The following TYMP variants were observed in gnomAD, a reference collection of about 807,000 sequenced individuals.
The protein encoded by TYMP is gliostatin.
A neutral mutation model predicts 42.3 loss-of-function variants in TYMP; 46 were observed. The ratio of observed to expected loss-of-function variants is 1.09; its 90% CI spans 0.86 to 1.39. The LOEUF is 1.39. TYMP is among the 40% of genes most tolerant of loss of function. The probability of loss-of-function intolerance (pLI) is 0.00; values close to 1 mark genes in which losing one functional copy is unlikely to be tolerated. For synonymous variants in TYMP, 363 were observed against 308.0 expected (o/e 1.18, Z -1.87); for missense variants, 837 against 677.6 (o/e 1.24, Z -2.61).
Position 50,526,037 on chromosome 22 carries a change from C to G in TYMP, c.1264G>C (p.Glu422Gln). 1 of 1,478,552 alleles carries G rather than the reference C, an allele frequency of 6.8e-7. No homozygotes were observed. The allele number at this position is 1,478,552 out of a possible 1,614,324, so 91.6% of individuals were successfully genotyped here. The change falls in exon 9 of 10, where the codon GAG becomes CAG. Residue 422 changes from glutamate (E) to glutamine (Q), a missense_variant. Glu to Gln is a conservative substitution (Grantham distance 29). Coordinates refer to ENST00000252029, the MANE Select transcript of TYMP (RefSeq NM_001953.5). ...CTCTGACCCACGTCGACCAGCAGCT[C>G]TGCGCCCACCCCCAGGCGGAGCGGC... ...GEPLRLGVGA[E>Q]LLVDVGQRLR...
intron 4 of TYMP, chr22:50,528,271 C>CT (rs1260402416): frequency 1.2e-5 from 7 of 579,024 alleles, no homozygotes; most frequent in Non-Finnish European, 2.2e-5. Flanking sequence ...TCCCCAAGTG[C>CT]TAGGACTACA....
chr22:50,528,718 G>A, intron 3 of TYMP, 108 bp from the exon 4 acceptor site: 1 of 883,260 alleles, frequency 1.1e-6, no homozygotes, highest in Non-Finnish European at 1.8e-6. Flanking sequence ...AAGTATTTAA[G>A]CAGCTATAGG....
intron 2 of TYMP, 78 bp downstream of exon 2, chr22:50,529,418 G>C (rs544114409): frequency 6.2e-7 from 1 of 1,603,400 alleles, no homozygotes; most frequent in African/African-American, 1.3e-5. Flanking sequence ...GTGGGGCACC[G>C]TCGCACCCCC....
intron 3 of TYMP, 123 bp downstream of exon 3, chr22:50,528,988 AGAACTGTGCTGGGGAGCAGGGTGGG>A: frequency 1.1e-5 from 9 of 794,552 alleles, no homozygotes; most frequent in Non-Finnish European, 1.8e-5. Context: ...CGGGGTGGGG[AGAACTGTGCTGGGGAGCAGGGTGGG>A]GAGAAGCCTT....
At position 50,526,174 on chromosome 22, in the gene TYMP, G is replaced by A. The variant is rs747863760; in HGVS notation, c.1160-33C>T. The A allele has an allele frequency of 6.8e-6, 10 of 1,467,678 alleles. No homozygotes were observed. The African/African-American group carries it at 7.3e-5, about 11-fold the overall frequency. 90.9% of individuals were successfully genotyped at this position (1,467,678 alleles called of 1,614,324 possible). A position where few individuals can be genotyped will look rare whatever the true frequency, so the allele number is the denominator to read the frequency against. On this transcript the variant is annotated intron_variant, in intron 8 of 9. Coordinates refer to ENST00000252029, the MANE Select transcript of TYMP (RefSeq NM_001953.5). The stretch of plus-strand genomic sequence containing the variant: ...GAGAGGGGCTGAGAGGCGCGGGCTC[G>A]GGAAGGGGCGGGGCCTCGGGAAGGG...
intron 4 of TYMP, chr22:50,528,082 G>T: frequency 2.6e-6 from 1 of 391,666 alleles, no homozygotes; most frequent in Non-Finnish European, 4.8e-6. Context: ...CATCGTCCCG[G>T]CTCACTGCAG....
chr22:50,526,561 C>T lies in TYMP; in HGVS notation c.928+15G>A, dbSNP rs768715783. 1.9e-5 allele frequency: 29 copies of T among 1,562,024 alleles called. 1 individual carries two copies. The South Asian group carries it at 3.2e-4, about 17-fold the overall frequency. The stretch of plus-strand genomic sequence containing the variant: ...CCCCCGCCGCCTCCGCTCCCCTACA[C>T]CCCGTCCCCCTCACCGAGCGTGGTG... On this transcript the variant is annotated intron_variant, in intron 7 of 9. Transcript: ENST00000252029.
rs1064792859 is a variant in TYMP, at chr22:50,529,325, C to T, written c.228G>A (p.Met76Ile). 7 of 1,613,322 alleles carry T rather than the reference C, an allele frequency of 4.3e-6. No homozygotes were observed. Among genetic ancestry groups the T allele is most frequent in the East Asian group, 2.2e-5 (1 of 44,880 alleles). The change falls in exon 3 of 10, where the codon ATG becomes ATA. Residue 76 changes from methionine to isoleucine, a missense_variant. By Grantham distance (10) the Met-to-Ile change is conservative. Coordinates refer to ENST00000252029, the MANE Select transcript of TYMP (RefSeq NM_001953.5). ...GATCCATGCCCCGAAGTCGGATGGC[C>T]ATCAGCATGGCCCCTGGTATGTGGG... ...AQGAQIGAML[M>I]AIRLRGMDLE...
In TYMP at chr22:50,526,557, T is replaced by C; in HGVS notation, c.928+19A>G. 1.3e-6 allele frequency: 2 copies of C among 1,495,998 alleles called. No homozygotes were observed. The highest frequency in any genetic ancestry group is 9.1e-7 in the Non-Finnish European group (1 of 1,100,548). 92.7% of individuals were successfully genotyped at this position (1,495,998 alleles called of 1,614,324 possible). ...GCACCCCCCGCCGCCTCCGCTCCCC[T>C]ACACCCCGTCCCCCTCACCGAGCGT... is the stretch of plus-strand genomic sequence containing the variant. On this transcript the variant is annotated intron_variant, in intron 7 of 9. Transcript: ENST00000252029.
At chr22:50,528,023 G>A (rs746705168) in intron 4 of TYMP, 14 of 413,170 alleles carry the variant, frequency 3.4e-5, no homozygotes, top group African/African-American at 8.4e-5. Flanking sequence ...CTGCCTCCCA[G>A]AGTGCTGGGA....
Position 50,529,951 on chromosome 22 carries a change from G to C in TYMP, c.-58C>G. 3.4e-6 allele frequency: 2 copies of C among 583,434 alleles called. No individual in the cohort carries two copies. Among genetic ancestry groups the C allele is most frequent in the Non-Finnish European group, 6.1e-6 (2 of 327,410 alleles). 36.1% of individuals were successfully genotyped at this position (583,434 alleles called of 1,614,324 possible). A position where few individuals can be genotyped will look rare whatever the true frequency, so the allele number is the denominator to read the frequency against. On this transcript the variant is annotated 5_prime_UTR_variant, in exon 1 of 10. Transcript: ENST00000252029. The stretch of plus-strand genomic sequence containing the variant: ...CCGCTTGCTCCGGATCCCAGCCCAG[G>C]TACCCGGCCTCGCCCGCGGGTCGGG...
chr22:50,526,626 C>G lies in TYMP; in HGVS notation c.878G>C (p.Cys293Ser). The G allele has an allele frequency of 6.3e-7, 1 of 1,576,612 alleles. No individual in the cohort carries two copies. The highest frequency in any genetic ancestry group is 8.6e-7 in the Non-Finnish European group (1 of 1,162,636). The change falls in exon 7 of 10, where the codon TGC becomes TCC. Residue 293 changes from cysteine (C) to serine (S), a missense_variant. Cys to Ser is a moderately radical substitution (Grantham distance 112). Coordinates refer to ENST00000252029, the MANE Select transcript of TYMP (RefSeq NM_001953.5). ...HALEVEEALL[C>S]MDGAGPPDLR... ...GTCTGGCGGGCCTGCGCCGTCCATG[C>G]AGAGCAGCGCCTCCTCCACCTCCAG...
Position 50,526,308 on chromosome 22 carries a change from G to A in TYMP, c.1097C>T (p.Ala366Val), listed in dbSNP as rs1165404070. The change falls in exon 8 of 10, where the codon GCA (alanine) becomes GTA (valine). Residue 366 changes from alanine to valine, a missense_variant. By Grantham distance (64) the Ala-to-Val change is moderately conservative. Coordinates refer to ENST00000252029, the MANE Select transcript of TYMP (RefSeq NM_001953.5). ...GCGAGGCAGCAGCTGCCGGCGTTCT[G>A]CGGGACTTCCCGAGCACAGGGCTCG... ...LARALCSGSP[A>V]ERRQLLPRAR... is the part of the protein sequence containing the mutation. 2.6e-6 allele frequency: 4 copies of A among 1,559,582 alleles called. No individual in the cohort carries two copies. The highest frequency in any genetic ancestry group is 3.4e-6 in the Non-Finnish European group (4 of 1,163,118).
intron 7 of TYMP, 50 bp from the exon 8 acceptor site, chr22:50,526,526 C>T (rs2148678339): frequency 2.0e-6 from 3 of 1,538,302 alleles, no homozygotes; most frequent in Non-Finnish European, 2.6e-6. Flanking sequence ...GCGGCCCCAG[C>T]GGGAAGCACC....
chr22:50,528,542 A>G lies in TYMP; in HGVS notation c.486T>C (p.Pro162=), dbSNP rs1474668575. ...CTGGGCTCTGGATGACATTGAATCCAGGAATAGACTCCAGCTTATCCAAGG... is the reference window on the plus strand; with the variant it reads ...CTGGGCTCTGGATGACATTGAATCCGGGAATAGACTCCAGCTTATCCAAGG... ...GGTLDKLESI[P]GFNVIQSPEQ... is the part of the protein sequence containing the mutation. Residue 162 remains proline, a synonymous_variant, in exon 4 of 10, where the codon CCT becomes CCC. Transcript: ENST00000252029. 5 of 1,613,840 alleles carry G rather than the reference A, an allele frequency of 3.1e-6. No individual in the cohort carries two copies. The highest frequency in any genetic ancestry group is 4.2e-6 in the Non-Finnish European group (5 of 1,179,998).
intron 6 of TYMP, among the ~76,000 whole-genome samples, chr22:50,526,951 G>A (rs1342415254): frequency 6.6e-6 from 1 of 152,252 alleles, no homozygotes; most frequent in East Asian, 1.9e-4. Flanking sequence ...GAACGCCACA[G>A]AGGGCTTCCC....
upstream of TYMP, chr22:50,530,078 G>C: frequency 3.0e-6 from 1 of 334,398 alleles, no homozygotes; most frequent in Non-Finnish European, 5.4e-6. Context: ...GGCGGAGCTC[G>C]GCAGTCGCCG....
intron 6 of TYMP, 131 bp from the exon 7 acceptor site, chr22:50,526,869 G>C: frequency 1.0e-6 from 1 of 984,144 alleles, no homozygotes; most frequent in Non-Finnish European, 1.5e-6. Context: ...GGATTGGGGT[G>C]GGGAAGAGAC....
chr22:50,527,994 G>C (rs915303294), intron 4 of TYMP: 1 of 447,660 alleles, frequency 2.2e-6, no homozygotes, highest in Non-Finnish European at 4.0e-6. Context: ...TACCCAGGCT[G>C]ATCTCCAACT....
Sources: allele counts gnomAD v4.1 joint callset (sites outside exome capture counted in the v4.1 genomes callset), GRCh38; gene constraint gnomAD v4.1.1; transcripts MANE v1.5; gene names NCBI Gene and HGNC (gene_info 2026-07-23, HGNC 2026-07-21).